Variants in TOPAZ1 observed in about 807,000 individuals in gnomAD.
The protein encoded by TOPAZ1 is protein TOPAZ1.
In TOPAZ1, 66 loss-of-function variants were observed where a neutral mutation model predicts 172.2. That is an observed-to-expected ratio of 0.38 (90% CI 0.31 to 0.47). TOPAZ1 has a LOEUF of 0.47. TOPAZ1 is among the 20% of genes least tolerant of loss of function. TOPAZ1 has a pLI of 0.99. For synonymous variants in TOPAZ1, 681 were observed against 683.9 expected, an observed-to-expected ratio of 1.00 and a Z score of 0.07; for missense variants, 1,822 against 1,972.4, an observed-to-expected ratio of 0.92 and a Z score of 1.44.
rs1390626438 is a variant in TOPAZ1 at position 44,331,988 on chromosome 3, G to A, written c.5056G>A (p.Val1686Ile). 6 of 1,548,250 alleles carry A rather than the reference G, an allele frequency of 3.9e-6. No homozygotes were observed. The highest frequency in any genetic ancestry group is 5.2e-6 in the Non-Finnish European group (6 of 1,146,240). Residue 1686 changes from valine (V) to isoleucine (I), a missense_variant, in exon 20 of 20, where the codon GTT becomes ATT. Val to Ile is a conservative substitution (Grantham distance 29, BLOSUM62 3). Coordinates refer to ENST00000309765, the MANE Select transcript of TOPAZ1 (RefSeq NM_001145030.2). ...AGAGAATATGAAGTGGGCTGGAAAG[G>A]TTTGGCTTTTCAGTAACCATTAGCT... ...LKENMKWAGK[V>I]WLFSNH is the part of the protein sequence containing the mutation.
chr3:44,287,475 C>T lies in TOPAZ1; in HGVS notation c.3523C>T (p.Leu1175Phe). 2 of 1,529,872 alleles carry T rather than the reference C, an allele frequency of 1.3e-6. No individual in the cohort carries two copies. Among genetic ancestry groups the T allele is most frequent in the Non-Finnish European group, 1.8e-6 (2 of 1,136,592 alleles). The allele number at this position is 1,529,872 out of a possible 1,614,324, so 94.8% of individuals were successfully genotyped here. A position where few individuals can be genotyped will look rare whatever the true frequency, so the allele number is the denominator to read the frequency against. The change falls in exon 10 of 20, where the codon CTC becomes TTC. Residue 1175 changes from leucine (L) to phenylalanine (F), a missense_variant. By Grantham distance (22) the Leu-to-Phe change is conservative. Coordinates refer to ENST00000309765, the MANE Select transcript of TOPAZ1 (RefSeq NM_001145030.2). ...GCTAAATGACCTTCTAAATTCTTTACTCAAACATTGTTTGTTGAAAGAAGT... is the reference window on the plus strand; with the variant it reads ...GCTAAATGACCTTCTAAATTCTTTATTCAAACATTGTTTGTTGAAAGAAGT... ...QVLNDLLNSL[L>F]KHCLLKEVFQ...
At position 44,309,861 on chromosome 3, in the gene TOPAZ1, A is replaced by ACTTTTT; in HGVS notation, c.4177_4178insCTTTTT (p.Ile1393delinsThrPheLeu). The stretch of plus-strand genomic sequence containing the variant: ...CTTAGAGAAACTATATGAATTAAAA[A>ACTTTTT]TACACTTTACAAGTTTAAAAGGACT... On this transcript the variant is annotated protein_altering_variant, in exon 16 of 20. Coordinates refer to ENST00000309765, the MANE Select transcript of TOPAZ1 (RefSeq NM_001145030.2). 1.3e-6 allele frequency: 2 copies of ACTTTTT among 1,540,168 alleles called. No homozygotes were observed. Among genetic ancestry groups the ACTTTTT allele is most frequent in the Non-Finnish European group, 1.8e-6 (2 of 1,139,876 alleles).
intron 18 of TOPAZ1, among the ~76,000 whole-genome samples, chr3:44,326,580 C>G (rs1371834938): frequency 6.6e-6 from 1 of 151,994 alleles, no homozygotes; most frequent in Non-Finnish European, 1.5e-5. Flanking sequence ...AATCCCTTGT[C>G]AGATATATGA....
chr3:44,273,273 AAGTT>A (rs1699917419), intron 8 of TOPAZ1, among the ~76,000 whole-genome samples: 1 of 152,210 alleles, frequency 6.6e-6, no homozygotes, highest in Non-Finnish European at 1.5e-5. Context: ...AGTCAAAACA[AAGTT>A]AGCAGGGACA....
chr3:44,245,530 C>CT lies in TOPAZ1; in HGVS notation c.2765+285dup, dbSNP rs531158571. ...TCAGAATTTATGGTTCATAGAGTGG[C>CT]TTTTTTTTTTTTTTTTTTTTTTTTT... On this transcript the variant is annotated intron_variant, in intron 2 of 19. Coordinates refer to ENST00000309765, the MANE Select transcript of TOPAZ1 (RefSeq NM_001145030.2). Among the ~76,000 whole-genome samples, 328 of 83,004 alleles carry CT rather than the reference C, an allele frequency of 4.0e-3. 20 individuals are homozygous for CT. The highest frequency in any genetic ancestry group is 0.01 in the African/African-American group (201 of 19,246). 54.5% of individuals were successfully genotyped at this position (83,004 alleles called of 152,430 possible).
rs1178968768 is a variant in TOPAZ1 at position 44,280,056 on chromosome 3, TGTA to T, written c.3373-1909_3373-1907del. The stretch of plus-strand genomic sequence containing the variant: ...CCTTAAGTATTTCTTGTAGGGCTGG[TGTA>T]GTGGTGATGAACTCCCTCAGCTTTT... On this transcript the variant is annotated intron_variant, in intron 8 of 19. Transcript: ENST00000309765. Among the ~76,000 whole-genome samples the T allele has an allele frequency of 5.3e-5, 8 of 152,184 alleles. No homozygotes were observed. The East Asian group carries it at 1.5e-3, about 29-fold the overall frequency.
intron 8 of TOPAZ1, among the ~76,000 whole-genome samples, chr3:44,280,755 G>T (rs1700014154): frequency 6.6e-6 from 1 of 152,188 alleles, no homozygotes; most frequent in Non-Finnish European, 1.5e-5. Context: ...GTTCTGGTGG[G>T]GGCGCTGAGT....
chr3:44,258,357 A>G (rs1699738581), intron 4 of TOPAZ1, among the ~76,000 whole-genome samples: 1 of 152,192 alleles, frequency 6.6e-6, no homozygotes, highest in African/African-American at 2.4e-5. Context: ...CAACCAGAAT[A>G]TTGGCATTAA....
chr3:44,267,355 A>G (rs1699842165), intron 6 of TOPAZ1, among the ~76,000 whole-genome samples: 2 of 140,410 alleles, frequency 1.4e-5, no homozygotes, highest in African/African-American at 5.5e-5. Flanking sequence ...GTGCAGTGGC[A>G]CGATCTCAGT....
intron 8 of TOPAZ1, among the ~76,000 whole-genome samples, chr3:44,275,709 AAT>A (rs1699945826): frequency 6.6e-6 from 1 of 152,002 alleles, no homozygotes; most frequent in South Asian, 2.1e-4. Flanking sequence ...TCTTTGGATA[AAT>A]ACCCAGTAGT....
intron 16 of TOPAZ1, among the ~76,000 whole-genome samples, chr3:44,317,111 G>A (rs2125703600): frequency 6.6e-6 from 1 of 152,284 alleles, no homozygotes. Context: ...TAGGAAATTT[G>A]ATTGGGATTA....
At chr3:44,317,414 C>T (rs908282754) in intron 16 of TOPAZ1, among the ~76,000 whole-genome samples, 1 of 151,870 alleles carries the variant, frequency 6.6e-6, no homozygotes, top group African/African-American at 2.4e-5. Flanking sequence ...GAGCAAGACT[C>T]GGTCTCAAAA....
intron 1 of TOPAZ1, 107 bp from the exon 2 acceptor site, chr3:44,242,746 G>A (rs1699500736): frequency 1.1e-6 from 1 of 904,874 alleles, no homozygotes; most frequent in Non-Finnish European, 1.6e-6. Context: ...ACATACAGCT[G>A]TTCAGGGAAA....
chr3:44,277,311 A>G (rs1037334355), intron 8 of TOPAZ1, among the ~76,000 whole-genome samples: 2 of 152,164 alleles, frequency 1.3e-5, no homozygotes, highest in African/African-American at 4.8e-5. Flanking sequence ...TTATTGGTGT[A>G]TAGAAACACT....
intron 12 of TOPAZ1, among the ~76,000 whole-genome samples, chr3:44,301,990 A>G (rs953278193): frequency 6.6e-6 from 1 of 152,126 alleles, no homozygotes; most frequent in African/African-American, 2.4e-5. Flanking sequence ...TACTATTTGT[A>G]TGACTTCATT....
At chr3:44,281,615 A>G (rs895957921) in intron 8 of TOPAZ1, among the ~76,000 whole-genome samples, 3 of 152,226 alleles carry the variant, frequency 2.0e-5, no homozygotes, top group Non-Finnish European at 2.9e-5. Context: ...CAGGTGACAC[A>G]TTACCATTTA....
chr3:44,305,626 TCTCAAAGCACTGGTATTACAGA>T (rs1700328545), intron 14 of TOPAZ1, among the ~76,000 whole-genome samples: 1 of 151,934 alleles, frequency 6.6e-6, no homozygotes, highest in South Asian at 2.1e-4. Flanking sequence ...CACCTCAGCC[TCTCAAAGCACTGGTATTACAGA>T]CATAAGTCAC....
intron 19 of TOPAZ1, among the ~76,000 whole-genome samples, chr3:44,330,448 T>TA (rs1700655210): frequency 6.6e-6 from 1 of 152,216 alleles, no homozygotes; most frequent in Non-Finnish European, 1.5e-5. Flanking sequence ...TTGTTACATT[T>TA]ACCTCTCTCT....
At position 44,255,523 on chromosome 3, in the gene TOPAZ1, G is replaced by T. The variant is rs190447791; in HGVS notation, c.2827+494G>T. On this transcript the variant is annotated intron_variant, in intron 3 of 19. Coordinates refer to ENST00000309765, the MANE Select transcript of TOPAZ1 (RefSeq NM_001145030.2). ...AAAAATTAGCCGGGCGTGGTGGCAGGCACCTGTAGTCCCAGCTACTTGGGA... is the reference window on the plus strand; with the variant it reads ...AAAAATTAGCCGGGCGTGGTGGCAGTCACCTGTAGTCCCAGCTACTTGGGA... 1.7e-4 allele frequency among the ~76,000 whole-genome samples: 26 copies of T among 151,772 alleles called. No homozygotes were observed. The East Asian group carries it at 5.1e-3, about 30-fold the overall frequency.
Sources: gnomAD v4.1 joint callset for allele counts (sites outside exome capture counted in the v4.1 genomes callset) on GRCh38, gnomAD v4.1.1 for gene constraint, MANE v1.5 for transcripts, NCBI Gene and HGNC (gene_info 2026-07-23, HGNC 2026-07-21) for gene names.